PCDHGA10: variants seen among roughly 807,000 people sequenced by gnomAD.
PCDHGA10 encodes protocadherin gamma-A10.
Under a neutral mutation model 59.5 loss-of-function variants are expected in PCDHGA10, and 42 were observed. That is an observed-to-expected ratio of 0.71 (90% CI 0.55 to 0.91). The LOEUF is 0.91. PCDHGA10 is among the 40% of genes least tolerant of loss of function. PCDHGA10 has a pLI of 0.00. For missense variants in PCDHGA10, 1,111 were observed against 1,198.2 expected (o/e 0.93, Z 1.07); for synonymous variants, 511 against 517.2 (o/e 0.99, Z 0.16).
intron 1 of PCDHGA10, among the ~76,000 whole-genome samples, chr5:141,462,355 A>T (rs1592773702): frequency 6.6e-6 from 1 of 152,226 alleles, no homozygotes; most frequent in East Asian, 1.9e-4. Context: ...AAAAATATAC[A>T]TTGTATAGTT....
Position 141,489,517 on chromosome 5 carries a change from G to C in PCDHGA10, c.2437-5290G>C. The C allele has an allele frequency of 6.2e-7, 1 of 1,614,136 alleles. No individual in the cohort carries two copies. Among genetic ancestry groups the C allele is most frequent in the Non-Finnish European group, 8.5e-7 (1 of 1,180,044 alleles). On this transcript the variant is annotated intron_variant, in intron 1 of 3. Transcript: ENST00000398610. The surrounding 1 kb of genome is among the most constrained non-coding windows in gnomAD (Gnocchi z 4.5). ...GGCAGTGAATCAAAAGATTGACCGA[G>C]AAAGCCTATGTGGAGCCAGCACCAG...
In PCDHGA10 at chr5:141,414,916, C is replaced by T; in HGVS notation, c.1741C>T (p.Leu581=). ...LPTDGSTGVE[L]APRSAEPGYL... ...CACAGACGGTTCCACAGGCGTGGAGCTGGCGCCCCGCTCCGCAGAGCCCGG... is the reference window on the plus strand; with the variant it reads ...CACAGACGGTTCCACAGGCGTGGAGTTGGCGCCCCGCTCCGCAGAGCCCGG... The change falls in exon 1 of 4, where the codon CTG becomes TTG. Residue 581 remains leucine (L), a synonymous_variant. Coordinates refer to ENST00000398610, the MANE Select transcript of PCDHGA10 (RefSeq NM_018913.3). 1.2e-6 allele frequency: 2 copies of T among 1,614,194 alleles called. No individual in the cohort carries two copies. Among genetic ancestry groups the T allele is most frequent in the Non-Finnish European group, 1.7e-6 (2 of 1,180,048 alleles).
At chr5:141,500,721 ATG>A (rs1209024560) in intron 2 of PCDHGA10, among the ~76,000 whole-genome samples, 1 of 152,088 alleles carries the variant, frequency 6.6e-6, no homozygotes, top group African/African-American at 2.4e-5. Context: ...GAATTTCCCC[ATG>A]TCTTTCAAAA....
chr5:141,478,870 GT>G, intron 1 of PCDHGA10: 1 of 1,273,360 alleles, frequency 7.9e-7, no homozygotes, highest in Non-Finnish European at 1.0e-6. Context: ...AGCGATCAGA[GT>G]TTAGCTTGGT....
In PCDHGA10 at chr5:141,413,921, C is replaced by G; in HGVS notation, c.746C>G (p.Pro249Arg). 2 of 1,613,360 alleles carry G rather than the reference C, an allele frequency of 1.2e-6. No homozygotes were observed. The highest frequency in any genetic ancestry group is 1.6e-4 in the Middle Eastern group (1 of 6,062). Residue 249 changes from proline to arginine, a missense_variant, in exon 1 of 4, where the codon CCA becomes CGA. Coordinates refer to ENST00000398610, the MANE Select transcript of PCDHGA10 (RefSeq NM_018913.3). ...GACAACGCGCCGGTCTTCACCTTGC[C>G]AGAATACCGAGTGAGTGTTCCTGAG... ...ANDNAPVFTL[P>R]EYRVSVPENL...
chr5:141,421,163 G>C, intron 1 of PCDHGA10: 2 of 1,276,926 alleles, frequency 1.6e-6, no homozygotes, highest in Non-Finnish European at 2.1e-6. Flanking sequence ...GGACTTCATA[G>C]ATACATAAGC....
At chr5:141,420,458 CAA>C (rs1269245240) in intron 1 of PCDHGA10, 1 of 925,076 alleles carries the variant, frequency 1.1e-6, no homozygotes, top group Non-Finnish European at 1.5e-6. Context: ...TCCTACTATT[CAA>C]AGACATTTTA....
intron 1 of PCDHGA10, among the ~76,000 whole-genome samples, chr5:141,425,603 A>G (rs2096884807): frequency 6.6e-6 from 1 of 152,218 alleles, no homozygotes; most frequent in Non-Finnish European, 1.5e-5. Context: ...TATGCCCTAT[A>G]TAGCTTTCAG....
chr5:141,459,909 G>A (rs7446907), intron 1 of PCDHGA10, among the ~76,000 whole-genome samples: 42,418 of 152,010 alleles, frequency 0.28, 6,645 homozygotes, highest in African/African-American at 0.43. Flanking sequence ...TGAGCTATGG[G>A]AGTTTTAAAA....
At chr5:141,466,716 T>A (rs2099127818) in intron 1 of PCDHGA10, among the ~76,000 whole-genome samples, 1 of 152,210 alleles carries the variant, frequency 6.6e-6, no homozygotes, top group South Asian at 2.1e-4. Flanking sequence ...TGTTCTTGTT[T>A]CCATTTTAGC....
chr5:141,423,058 A>G (rs1235938743), intron 1 of PCDHGA10: 3 of 1,614,022 alleles, frequency 1.9e-6, no homozygotes, highest in African/African-American at 2.7e-5. Flanking sequence ...TCGCCTGCTT[A>G]AGGCCAGCGA....
At chr5:141,422,762 C>T in intron 1 of PCDHGA10, 1 of 1,613,392 alleles carries the variant, frequency 6.2e-7, no homozygotes. Flanking sequence ...AACTCCAACA[C>T]TGGTGTTCTC....
Position 141,493,876 on chromosome 5 carries a change from G to T in PCDHGA10, c.2437-931G>T, listed in dbSNP as rs2099750541. 6.6e-6 allele frequency among the ~76,000 whole-genome samples: 1 copy of T among 152,194 alleles called. No homozygotes were observed. ...CAGCCCACCCCAGAACCAGTGAGGA[G>T]GTGGCTCTAGGAGTGCTCCATGAGA... On this transcript the variant is annotated intron_variant, in intron 1 of 3. Transcript: ENST00000398610. The surrounding 1 kb of genome is among the most constrained non-coding windows in gnomAD (Gnocchi z 4.3).
chr5:141,487,351 T>A lies in PCDHGA10; in HGVS notation c.2437-7456T>A. 6.2e-7 allele frequency: 1 copy of A among 1,614,210 alleles called. No individual in the cohort carries two copies. The highest frequency in any genetic ancestry group is 8.5e-7 in the Non-Finnish European group (1 of 1,180,038). On this transcript the variant is annotated intron_variant, in intron 1 of 3. Transcript: ENST00000398610. The surrounding 1 kb of genome is among the most constrained non-coding windows in gnomAD (Gnocchi z 5.0). ...GGGCAGCCTGTGGAGTCACATGCTT[T>A]CCTGCTGGCACCTGTGCCTGTCTCA...
chr5:141,437,408 G>A (rs1591455458), intron 1 of PCDHGA10, among the ~76,000 whole-genome samples: 1 of 152,200 alleles, frequency 6.6e-6, no homozygotes, highest in Non-Finnish European at 1.5e-5. Flanking sequence ...CATTCCAGAA[G>A]TATTATGCTT....
Position 141,491,889 on chromosome 5 carries a change from C to T in PCDHGA10, c.2437-2918C>T, listed in dbSNP as rs2099734763. On this transcript the variant is annotated intron_variant, in intron 1 of 3. Transcript: ENST00000398610. The surrounding 1 kb of genome is among the most constrained non-coding windows in gnomAD (Gnocchi z 6.9). ...GAGTGGCCGATTAAGGGATGGGGCT[C>T]CGAGCACCGGGGGTGGTGGCGACTG... 11 of 1,441,360 alleles carry T rather than the reference C, an allele frequency of 7.6e-6. No individual in the cohort carries two copies. Among genetic ancestry groups the T allele is most frequent in the Non-Finnish European group, 1.0e-5 (11 of 1,090,600 alleles). 89.3% of individuals were successfully genotyped at this position (1,441,360 alleles called of 1,614,324 possible).
At chr5:141,474,557 G>T (rs1261720500) in intron 1 of PCDHGA10, among the ~76,000 whole-genome samples, 2 of 152,184 alleles carry the variant, frequency 1.3e-5, no homozygotes, top group Admixed American at 1.3e-4. Context: ...AAAACTGGGG[G>T]TTTTCAGAGA....
rs1335023784 is a variant in PCDHGA10 at position 141,490,877 on chromosome 5, C to CCAA, written c.2437-3927_2437-3925dup. 2.5e-6 allele frequency: 4 copies of CCAA among 1,613,762 alleles called. No homozygotes were observed. Among genetic ancestry groups the CCAA allele is most frequent in the Non-Finnish European group, 3.4e-6 (4 of 1,179,908 alleles). On this transcript the variant is annotated intron_variant, in intron 1 of 3. Transcript: ENST00000398610. This position sits in a 1 kb window ranked among gnomAD's most constrained non-coding sequence, Gnocchi z 5.4. ...GACTCCGGCTCTCCCCCATTGCATG[C>CCAA]CAACACATCTCTGCATGTGTTTGTC...
In PCDHGA10 at chr5:141,421,044, C is replaced by A. The variant is rs556562994; in HGVS notation, c.2436+5433C>A. 5.5e-6 allele frequency: 3 copies of A among 548,610 alleles called. No individual in the cohort carries two copies. In the South Asian group the frequency reaches 8.2e-5, roughly 15 times the overall value. The allele number at this position is 548,610 out of a possible 1,614,324, so 34.0% of individuals were successfully genotyped here. A position where few individuals can be genotyped will look rare whatever the true frequency, so the allele number is the denominator to read the frequency against. ...CGCGCCATTGAGTCCCTCCCTCCCCCGCCTCTACCACACAAAGCGGAATGA... is the reference window on the plus strand; with the variant it reads ...CGCGCCATTGAGTCCCTCCCTCCCCAGCCTCTACCACACAAAGCGGAATGA... On this transcript the variant is annotated intron_variant, in intron 1 of 3. Transcript: ENST00000398610.
Sources: allele counts gnomAD v4.1 joint callset (sites outside exome capture counted in the v4.1 genomes callset), GRCh38; gene constraint gnomAD v4.1.1; non-coding constraint Gnocchi (gnomAD v3.1); transcripts MANE v1.5; gene names NCBI Gene and HGNC (gene_info 2026-07-23, HGNC 2026-07-21).